The following MAGI1 variants were observed in gnomAD, a reference collection of about 807,000 sequenced individuals.
The protein encoded by MAGI1 is membrane-associated guanylate kinase, WW and PDZ domain-containing protein 1.
Under a neutral mutation model 139.9 loss-of-function variants are expected in MAGI1, and 58 were observed. The ratio of observed to expected loss-of-function variants is 0.41; its 90% confidence interval spans 0.34 to 0.52. The LOEUF is 0.52. MAGI1 is among the 20% of genes least tolerant of loss of function. The pLI is 0.12. For missense variants in MAGI1, 1,874 were observed against 1,901.6 expected, an observed-to-expected ratio of 0.99 and a Z score of 0.27; for synonymous variants, 812 against 737.9, an observed-to-expected ratio of 1.10 and a Z score of -1.63.
intron 1 of MAGI1, among the ~76,000 whole-genome samples, chr3:65,719,633 C>T (rs1478479485): frequency 6.6e-6 from 1 of 151,620 alleles, no homozygotes; most frequent in East Asian, 1.9e-4. Context: ...GCAGCCTCAA[C>T]CTCTCAGGAT....
intron 18 of MAGI1, among the ~76,000 whole-genome samples, chr3:65,375,347 C>T (rs1334019180): frequency 1.3e-5 from 2 of 152,136 alleles, no homozygotes; most frequent in African/African-American, 4.8e-5. Flanking sequence ...CGCCACCGCG[C>T]CCGGCTAATT....
chr3:66,030,623 C>T (rs1458188560), intron 1 of MAGI1, among the ~76,000 whole-genome samples: 2 of 152,094 alleles, frequency 1.3e-5, no homozygotes, highest in East Asian at 3.9e-4. Flanking sequence ...CCTCACTGGG[C>T]AGGTGACATT....
At chr3:65,742,667 T>G (rs1464531911) in intron 1 of MAGI1, among the ~76,000 whole-genome samples, 3 of 152,196 alleles carry the variant, frequency 2.0e-5, no homozygotes, top group Non-Finnish European at 2.9e-5. Flanking sequence ...AGACGCCACC[T>G]ACAACCACAC....
At chr3:65,373,968 C>T (rs1942250936) in intron 18 of MAGI1, among the ~76,000 whole-genome samples, 1 of 152,132 alleles carries the variant, frequency 6.6e-6, no homozygotes, top group African/African-American at 2.4e-5. Flanking sequence ...ACCGGCTATA[C>T]CTTTCAAATC....
intron 13 of MAGI1, 63 bp downstream of exon 13, chr3:65,401,376 A>ACCCC: frequency 4.9e-6 from 2 of 406,674 alleles, no homozygotes; most frequent in South Asian, 2.8e-5. Context: ...GTACCCTCCC[A>ACCCC]CCTCCAGCCC....
chr3:65,557,646 C>T (rs1363604375), intron 2 of MAGI1, among the ~76,000 whole-genome samples: 1 of 152,222 alleles, frequency 6.6e-6, no homozygotes, highest in Non-Finnish European at 1.5e-5. Context: ...TTTTGCATAT[C>T]TCACTTGGTA....
At chr3:65,473,344 T>C (rs1471853278) in intron 4 of MAGI1, among the ~76,000 whole-genome samples, 1 of 152,118 alleles carries the variant, frequency 6.6e-6, no homozygotes, top group Non-Finnish European at 1.5e-5. Flanking sequence ...AAAATGGGCA[T>C]AATGTACATG....
At chr3:65,858,263 A>G (rs1425773320) in intron 1 of MAGI1, among the ~76,000 whole-genome samples, 1 of 152,242 alleles carries the variant, frequency 6.6e-6, no homozygotes, top group African/African-American at 2.4e-5. Context: ...CCATGTTGAC[A>G]TAATATGGTA....
intron 12 of MAGI1, among the ~76,000 whole-genome samples, chr3:65,419,247 A>ACAC (rs1355075280): frequency 3.0e-5 from 1 of 33,210 alleles, no homozygotes; most frequent in Non-Finnish European, 5.0e-5. Context: ...CACACACACA[A>ACAC]GTGTATGAAT....
At chr3:65,780,577 T>C (rs2038851437) in intron 1 of MAGI1, among the ~76,000 whole-genome samples, 1 of 152,180 alleles carries the variant, frequency 6.6e-6, no homozygotes, top group African/African-American at 2.4e-5. Context: ...GGGTCAGAAA[T>C]GGTTAACAGC....
At chr3:65,504,074 T>C (rs926704221) in intron 2 of MAGI1, among the ~76,000 whole-genome samples, 3 of 152,116 alleles carry the variant, frequency 2.0e-5, no homozygotes, top group Non-Finnish European at 4.4e-5. Context: ...TGGTTCCCAG[T>C]AATAAACAAA....
At chr3:65,898,162 C>T (rs1179316645) in intron 1 of MAGI1, among the ~76,000 whole-genome samples, 1 of 152,162 alleles carries the variant, frequency 6.6e-6, no homozygotes, top group Non-Finnish European at 1.5e-5. Context: ...CTACAAAAAT[C>T]CCTGCTCAAA....
chr3:65,755,553 G>A (rs2036500887), intron 1 of MAGI1, among the ~76,000 whole-genome samples: 1 of 152,106 alleles, frequency 6.6e-6, no homozygotes, highest in African/African-American at 2.4e-5. Context: ...GTCTGTGATA[G>A]GATTCAGCAT....
At chr3:65,531,728 C>T (rs1352309492) in intron 2 of MAGI1, among the ~76,000 whole-genome samples, 4 of 152,116 alleles carry the variant, frequency 2.6e-5, no homozygotes, top group East Asian at 3.9e-4. Flanking sequence ...TGAGTCATGG[C>T]TCTTCCAGTT....
intron 3 of MAGI1, among the ~76,000 whole-genome samples, chr3:65,485,845 C>G (rs1176185834): frequency 6.6e-6 from 1 of 152,216 alleles, no homozygotes; most frequent in African/African-American, 2.4e-5. Context: ...TAGTCTGTCT[C>G]TGACATCTAC....
intron 2 of MAGI1, among the ~76,000 whole-genome samples, chr3:65,603,823 C>T (rs1056541266): frequency 6.6e-6 from 1 of 152,190 alleles, no homozygotes; most frequent in Admixed American, 6.5e-5. Context: ...TCCAAGATGG[C>T]GCCCTGTTAC....
rs780716433 is a variant in MAGI1, at chr3:65,353,634, C to A, written c.*2744G>T. 6.6e-6 allele frequency: 1 copy of A among 152,152 alleles called. No homozygotes were observed. The highest frequency in any genetic ancestry group is 2.1e-4 in the South Asian group (1 of 4,824). 9.4% of individuals were successfully genotyped at this position (152,152 alleles called of 1,614,324 possible). On this transcript the variant is annotated 3_prime_UTR_variant, in exon 23 of 23. Transcript: ENST00000402939. ...CAATTAGGGTGTTGAGTCCTCCCCC[C>A]CAACATTCTTTCAGGCATCAACTGT...
chr3:65,958,450 C>G (rs1230240052), intron 1 of MAGI1, among the ~76,000 whole-genome samples: 1 of 152,202 alleles, frequency 6.6e-6, no homozygotes, highest in Non-Finnish European at 1.5e-5. Flanking sequence ...TGCACAGTGA[C>G]TAGGGTTTAC....
intron 2 of MAGI1, among the ~76,000 whole-genome samples, chr3:65,586,515 A>G (rs1266377929): frequency 6.6e-6 from 1 of 152,166 alleles, no homozygotes; most frequent in Non-Finnish European, 1.5e-5. Context: ...AGCACTGCAT[A>G]CCAAAAAGAG....
Sources: gnomAD v4.1 joint callset for allele counts (sites outside exome capture counted in the v4.1 genomes callset) on GRCh38, gnomAD v4.1.1 for gene constraint, MANE v1.5 for transcripts, NCBI Gene and HGNC (gene_info 2026-07-23, HGNC 2026-07-21) for gene names.